The following CELF2 variants were observed in gnomAD, a reference collection of about 807,000 sequenced individuals.
CELF2 encodes the protein CUG triplet repeat RNA-binding protein 2.
In CELF2, 8 loss-of-function variants were observed where a neutral mutation model predicts 62.6. The observed-to-expected ratio is 0.13, with a 90% confidence interval of 0.07 to 0.23. The LOEUF (loss-of-function observed/expected upper bound fraction) is 0.23, where lower values mean the gene tolerates loss of function less well. CELF2 is among the 10% of genes least tolerant of loss of function. The pLI, the probability that CELF2 is intolerant of heterozygous loss-of-function variation, is 1.00. For missense variants in CELF2, 333 were observed against 671.0 expected, an observed-to-expected ratio of 0.50 and a Z score of 5.56; for synonymous variants, 258 against 250.0, an observed-to-expected ratio of 1.03 and a Z score of -0.30.
chr10:11,253,737 C>A (rs1377675784), intron 4 of CELF2, among the ~76,000 whole-genome samples: 1 of 152,106 alleles, frequency 6.6e-6, no homozygotes, highest in East Asian at 1.9e-4. Context: ...CCATTCTCAT[C>A]ATATCATGGA....
chr10:10,954,513 T>C (rs905578978), intron 2 of CELF2, among the ~76,000 whole-genome samples: 4 of 152,194 alleles, frequency 2.6e-5, no homozygotes, highest in African/African-American at 9.7e-5. Context: ...CCCAAAGTGC[T>C]GGGATTACAG....
At chr10:10,543,523 G>A in the CELF2 span, among the ~76,000 whole-genome samples, 6 of 152,160 alleles carry the variant, frequency 3.9e-5, no homozygotes, top group South Asian at 6.2e-4. Context: ...ACAGCTGGCT[G>A]TGCACCAGCT....
At chr10:11,230,746 G>GT (rs1367423812) in intron 3 of CELF2, among the ~76,000 whole-genome samples, 1 of 152,218 alleles carries the variant, frequency 6.6e-6, no homozygotes, top group Non-Finnish European at 1.5e-5. Context: ...GTGTCAGACT[G>GT]TAAGGGGATG....
At chr10:10,799,942 A>T (rs2054490730) in intron 1 of CELF2, among the ~76,000 whole-genome samples, 1 of 152,240 alleles carries the variant, frequency 6.6e-6, no homozygotes, top group African/African-American at 2.4e-5. Flanking sequence ...TCCCCAAAAC[A>T]TGGCTTCATA....
rs2094241497 is a variant in CELF2, at chr10:11,306,739, TCTCC to T, written c.977-7395_977-7392del. On this transcript the variant is annotated intron_variant, in intron 9 of 12. Transcript: ENST00000633077. This position sits in a 1 kb window ranked among gnomAD's most constrained non-coding sequence, Gnocchi z 4.4. The stretch of plus-strand genomic sequence containing the variant: ...TTTTCTTAGTCTCATGCTTGATTCT[TCTCC>T]CTCCTTTTCTTCACCGTCTCCCCAA... Among the ~76,000 whole-genome samples, 3 of 152,156 alleles carry T rather than the reference TCTCC, an allele frequency of 2.0e-5. No individual in the cohort carries two copies. The highest frequency in any genetic ancestry group is 4.4e-5 in the Non-Finnish European group (3 of 68,036).
chr10:11,166,427 T>C (rs117973494), intron 2 of CELF2, among the ~76,000 whole-genome samples: 2 of 152,296 alleles, frequency 1.3e-5, no homozygotes, highest in East Asian at 1.9e-4. Flanking sequence ...CCAGAAACCA[T>C]TGTGAGGAGT....
In CELF2 at chr10:10,936,743, A is replaced by G. The variant is rs2046435224; in HGVS notation, c.89+16744A>G. On this transcript the variant is annotated intron_variant, in intron 2 of 13. Transcript: ENST00000636488. The surrounding 1 kb of genome is among the most constrained non-coding windows in gnomAD (Gnocchi z 4.0). ...TGAAACAAGCAAAAGCAAAGTGCTGAAACAAGTGTCGATGCTGGCATATCA... is the reference window on the plus strand; with the variant it reads ...TGAAACAAGCAAAAGCAAAGTGCTGGAACAAGTGTCGATGCTGGCATATCA... 6.6e-6 allele frequency: 1 copy of G among 152,262 alleles called. No homozygotes were observed. Among genetic ancestry groups the G allele is most frequent in the Admixed American group, 6.5e-5 (1 of 15,288 alleles). The allele number at this position is 152,262 out of a possible 1,614,324, so 9.4% of individuals were successfully genotyped here.
chr10:11,289,248 A>G lies in CELF2; in HGVS notation c.976+696A>G, dbSNP rs139938864. On this transcript the variant is annotated intron_variant, in intron 9 of 12. Coordinates refer to ENST00000633077, the MANE Select transcript of CELF2 (RefSeq NM_001326342.2). The stretch of plus-strand genomic sequence containing the variant: ...CCATCTCTGAGTTTTCCAGACCTCA[A>G]TAGATGGTCTCACCTCCTTTTCTGT... 5.6e-4 allele frequency among the ~76,000 whole-genome samples: 86 copies of G among 152,302 alleles called. 1 individual carries two copies. In the East Asian group the frequency reaches 0.016, roughly 29 times the overall value.
chr10:10,817,173 G>A (rs1034645232), intron 1 of CELF2, among the ~76,000 whole-genome samples: 28 of 152,264 alleles, frequency 1.8e-4, no homozygotes, highest in African/African-American at 6.3e-4. Context: ...TAAGTTTAGG[G>A]CATTAACATG....
the CELF2 span, among the ~76,000 whole-genome samples, chr10:10,488,093 A>G: frequency 1.3e-5 from 2 of 152,180 alleles, no homozygotes; most frequent in Non-Finnish European, 2.9e-5. Context: ...GTCATGTTCT[A>G]TAACCATAAA....
At chr10:10,674,355 G>C in the CELF2 span, among the ~76,000 whole-genome samples, 1 of 152,076 alleles carries the variant, frequency 6.6e-6, no homozygotes, top group African/African-American at 2.4e-5. Context: ...CTTTTGATTA[G>C]TGTTAGCATG....
the CELF2 span, among the ~76,000 whole-genome samples, chr10:10,713,515 G>C: frequency 1.3e-5 from 2 of 152,244 alleles, no homozygotes; most frequent in South Asian, 4.1e-4. Flanking sequence ...CCTACCTGCA[G>C]AGTGCAGTTA....
At chr10:11,035,232 C>A (rs1227867656) in intron 1 of CELF2, among the ~76,000 whole-genome samples, 2 of 152,150 alleles carry the variant, frequency 1.3e-5, no homozygotes, top group African/African-American at 4.8e-5. Flanking sequence ...TTCTCCAAGC[C>A]GTCTTCTTAC....
rs759127332 is a variant in CELF2, at chr10:10,967,259, A to C, written c.89+47260A>C. The stretch of plus-strand genomic sequence containing the variant: ...AGGTGACCGCCTGGGATTGGGCTGA[A>C]ACTCAATGGTTGGTACGAGAGTAGG... On this transcript the variant is annotated intron_variant, in intron 2 of 13. Coordinates refer to the CELF2 transcript ENST00000636488. Among the ~76,000 whole-genome samples the C allele has an allele frequency of 7.6e-4, 116 of 152,308 alleles. 2 individuals carry two copies. Among genetic ancestry groups the C allele is most frequent in the Non-Finnish European group, 1.4e-3 (97 of 68,028 alleles).
rs2096011316 is a variant in CELF2 at position 11,331,303 on chromosome 10, CAAAAAAAAAAGTTGTTTGCTTA to C, written c.*2258_*2279del. On this transcript the variant is annotated 3_prime_UTR_variant, in exon 13 of 13. Transcript: ENST00000633077. ...AATACAAAAAAAAAAAAAAGAATTT[CAAAAAAAAAAGTTGTTTGCTTA>C]AAAAAAATTTCATGTGAGGGAAAAA... The C allele has an allele frequency of 8.7e-6, 1 of 114,718 alleles. No homozygotes were observed. The highest frequency in any genetic ancestry group is 2.7e-4 in the South Asian group (1 of 3,702). 7.1% of individuals were successfully genotyped at this position (114,718 alleles called of 1,614,324 possible). A position where few individuals can be genotyped will look rare whatever the true frequency, so the allele number is the denominator to read the frequency against.
intron 1 of CELF2, among the ~76,000 whole-genome samples, chr10:10,831,097 C>T (rs2057814302): frequency 6.6e-6 from 1 of 152,172 alleles, no homozygotes; most frequent in South Asian, 2.1e-4. Context: ...AATCCTAGAA[C>T]TTTTTATTTT....
At chr10:10,953,267 T>C (rs1008832238) in intron 2 of CELF2, among the ~76,000 whole-genome samples, 9 of 152,218 alleles carry the variant, frequency 5.9e-5, no homozygotes, top group African/African-American at 7.2e-5. Context: ...CCATCACTCA[T>C]GTCATTTCAG....
the CELF2 span, among the ~76,000 whole-genome samples, chr10:10,737,480 G>T: frequency 6.6e-6 from 1 of 152,176 alleles, no homozygotes; most frequent in Non-Finnish European, 1.5e-5. Flanking sequence ...GCAGAAAATT[G>T]TCTGGGAGTT....
rs1050377703 is a variant in CELF2 at position 11,046,446 on chromosome 10, G to A, written c.74+28283G>A. Among the ~76,000 whole-genome samples, 6 of 152,148 alleles carry A rather than the reference G, an allele frequency of 3.9e-5. No individual in the cohort carries two copies. The highest frequency in any genetic ancestry group is 1.3e-4 in the Admixed American group (2 of 15,268). ...TTGGTTCACTGCCTCTGATGACACC[G>A]AAATGAAATATAAAGGGAAGATAAA... On this transcript the variant is annotated intron_variant, in intron 1 of 12. Transcript: ENST00000633077. This position sits in a 1 kb window ranked among gnomAD's most constrained non-coding sequence, Gnocchi z 4.6.
Sources: allele counts gnomAD v4.1 joint callset (sites outside exome capture counted in the v4.1 genomes callset), GRCh38; gene constraint gnomAD v4.1.1; non-coding constraint Gnocchi (gnomAD v3.1); transcripts MANE v1.5; gene names NCBI Gene and HGNC (gene_info 2026-07-23, HGNC 2026-07-21).